UMODL1: variants seen among roughly 807,000 people sequenced by gnomAD.
UMODL1 encodes uromodulin like 1.
In UMODL1, 128 loss-of-function variants were observed where a neutral mutation model predicts 136.3. The observed-to-expected ratio is 0.94, with a 90% confidence interval of 0.81 to 1.09. The LOEUF is 1.09. Ranked by LOEUF, UMODL1 falls within the 50% of genes least tolerant of loss-of-function variation. The pLI is 0.00. For missense variants in UMODL1, 1,766 were observed against 1,725.6 expected, an observed-to-expected ratio of 1.02 and a Z score of -0.41; for synonymous variants, 721 against 720.0, an observed-to-expected ratio of 1.00 and a Z score of -0.02.
chr21:42,111,086 GACAGGAACAAC>G lies in UMODL1; in HGVS notation c.1872_1882del (p.Asn624LysfsTer23). Reference sequence around the variant, plus strand: ...AGGGGGCAGCAATGTGGTCGGGTATGACAGGAACAACACAGGAAAAGGCGTGGAGCAGGAGG... The same window carrying G: ...AGGGGGCAGCAATGTGGTCGGGTATGACAGGAAAAGGCGTGGAGCAGGAGG... On this transcript the variant is annotated frameshift_variant, in exon 11 of 23. Transcript: ENST00000408910. LOFTEE classifies it high-confidence loss of function. 1 of 1,613,050 alleles carries G rather than the reference GACAGGAACAAC, an allele frequency of 6.2e-7. No individual in the cohort carries two copies. The highest frequency in any genetic ancestry group is 1.1e-5 in the South Asian group (1 of 90,906).
intron 9 of UMODL1, among the ~76,000 whole-genome samples, chr21:42,107,460 G>A (rs754173948): frequency 5.3e-5 from 8 of 152,222 alleles, no homozygotes; most frequent in Non-Finnish European, 1.0e-4. Context: ...TGCAGAGTGA[G>A]AGAAGGGCCG....
intron 21 of UMODL1, among the ~76,000 whole-genome samples, chr21:42,136,300 A>G (rs1361035043): frequency 1.3e-5 from 2 of 152,220 alleles, no homozygotes; most frequent in Admixed American, 6.5e-5. Flanking sequence ...TATAGCCACC[A>G]ACTCCATGTA....
chr21:42,070,708 T>C (rs974279090), upstream of UMODL1, among the ~76,000 whole-genome samples: 4 of 152,260 alleles, frequency 2.6e-5, no homozygotes, highest in Admixed American at 2.6e-4. Context: ...TCCAATTATG[T>C]AATTTCCCAC....
At chr21:42,076,978 A>G (rs2066298858) in intron 2 of UMODL1, among the ~76,000 whole-genome samples, 1 of 150,106 alleles carries the variant, frequency 6.7e-6, no homozygotes, top group South Asian at 2.1e-4. Flanking sequence ...CTACTGACAC[A>G]CAGGTGATCT....
rs1459809830 is a variant in UMODL1 at position 42,102,170 on chromosome 21, C to T, written c.1191C>T (p.Ala397=). The T allele has an allele frequency of 9.3e-6, 15 of 1,610,898 alleles. No individual in the cohort carries two copies. In the East Asian group the frequency reaches 1.3e-4, roughly 14 times the overall value. Residue 397 remains alanine (A), a synonymous_variant, in exon 8 of 23, where the codon GCC becomes GCT. Coordinates refer to ENST00000408910, the MANE Select transcript of UMODL1 (RefSeq NM_001004416.3). ...VSTTLTIKTN[A]QVFEVTIKIV... ...TTGTTTCACTGTCTGTCTCAGATGC[C>T]CAGGTATTTGAAGTCACAATAAAGA...
Position 42,084,117 on chromosome 21 carries a change from C to G in UMODL1, c.353C>G (p.Pro118Arg), listed in dbSNP as rs1051945845. 2 of 1,614,028 alleles carry G rather than the reference C, an allele frequency of 1.2e-6. No homozygotes were observed. Among genetic ancestry groups the G allele is most frequent in the African/African-American group, 2.7e-5 (2 of 74,948 alleles). Residue 118 changes from proline to arginine, a missense_variant, in exon 3 of 23, where the codon CCT becomes CGT. Coordinates refer to ENST00000408910, the MANE Select transcript of UMODL1 (RefSeq NM_001004416.3). The stretch of plus-strand genomic sequence containing the variant: ...CAGTCCGGGCAGTTCACGTCAAGAC[C>G]TGGGGCCTGCCCCGCAGAGGGGCCT... ...LNQSGQFTSR[P>R]GACPAEGPEP...
chr21:42,109,141 G>A (rs1438441006), intron 9 of UMODL1, among the ~76,000 whole-genome samples: 3 of 148,558 alleles, frequency 2.0e-5, no homozygotes, highest in Non-Finnish European at 4.4e-5. Flanking sequence ...CCCCCCATGC[G>A]GAAAGTTCAC....
At chr21:42,125,982 T>C (rs1036233877) in intron 17 of UMODL1, among the ~76,000 whole-genome samples, 1 of 152,142 alleles carries the variant, frequency 6.6e-6, no homozygotes, top group African/African-American at 2.4e-5. Context: ...GTTTGGGGCA[T>C]GTTGAAAGAA....
At chr21:42,079,333 G>A (rs8132555) in intron 2 of UMODL1, among the ~76,000 whole-genome samples, 30,013 of 152,242 alleles carry the variant, frequency 0.2, 3,616 homozygotes, top group African/African-American at 0.34. Context: ...TCCAGGAAGC[G>A]CCTCTTGTTG....
rs114581835 is a variant in UMODL1 at position 42,100,422 on chromosome 21, G to A, written c.1186+1242G>A. On this transcript the variant is annotated intron_variant, in intron 7 of 22. Transcript: ENST00000408910. ...CACCCTTTTCAAACTGATTTGGGGC[G>A]GACCTCAAGCTAAGTCCTCATAGCA... Among the ~76,000 whole-genome samples the A allele has an allele frequency of 7.4e-3, 1,131 of 152,068 alleles. 12 individuals are homozygous for A. The highest frequency in any genetic ancestry group is 0.025 in the African/African-American group (1,030 of 41,414).
At chr21:42,101,783 C>G (rs774220299) in intron 7 of UMODL1, 14 of 455,956 alleles carry the variant, frequency 3.1e-5, no homozygotes, top group Non-Finnish European at 4.8e-5. Context: ...CATTGGTCAC[C>G]CTGATGTTGG....
At chr21:42,078,254 G>C (rs1265811355) in intron 2 of UMODL1, among the ~76,000 whole-genome samples, 1 of 50,456 alleles carries the variant, frequency 2.0e-5, no homozygotes, top group African/African-American at 1.3e-4. Flanking sequence ...GGCGGGGCCA[G>C]CTGACCCCAG....
chr21:42,084,284 A>T, intron 3 of UMODL1, 39 bp downstream of exon 3: 1 of 1,603,380 alleles, frequency 6.2e-7, no homozygotes, highest in Non-Finnish European at 8.5e-7. Context: ...CAGGCAGCAA[A>T]GGCGGGTCTC....
chr21:42,077,261 G>T (rs913356881), intron 2 of UMODL1, among the ~76,000 whole-genome samples: 6 of 151,912 alleles, frequency 3.9e-5, no homozygotes, highest in African/African-American at 9.7e-5. Context: ...CCACGAAGGG[G>T]ATCCTGCAGG....
At chr21:42,075,956 G>C (rs73905530) in intron 1 of UMODL1, 49 bp from the exon 2 acceptor site, 2 of 1,602,870 alleles carry the variant, frequency 1.2e-6, no homozygotes, top group Non-Finnish European at 8.5e-7. Flanking sequence ...CCGCTCGCAC[G>C]GATCTGATCC....
At chr21:42,139,833 C>G (rs1436894397) in intron 22 of UMODL1, among the ~76,000 whole-genome samples, 1 of 152,196 alleles carries the variant, frequency 6.6e-6, no homozygotes, top group Non-Finnish European at 1.5e-5. Context: ...CCCCAGAATA[C>G]TGCGCATGTT....
chr21:42,064,937 G>C (rs1162913665), intron 1 of UMODL1, among the ~76,000 whole-genome samples: 1 of 152,158 alleles, frequency 6.6e-6, no homozygotes. Flanking sequence ...GCGCATATCT[G>C]AGAATTTTAA....
rs374098194 is a variant in UMODL1, at chr21:42,115,971, C to G, written c.2461C>G (p.Leu821Val). The G allele has an allele frequency of 6.2e-6, 10 of 1,613,028 alleles. No homozygotes were observed. The African/African-American group carries it at 1.2e-4, about 19-fold the overall frequency. The stretch of plus-strand genomic sequence containing the variant: ...CCAGGAGTATCGAGATTTCCTAGAA[C>G]TATTCTTCAGGATGGTGAGTTGGTG... The part of the protein sequence containing the change: ...SSQEYRDFLE[L>V]FFRMVRGSLP... The change falls in exon 14 of 23, where the codon CTA (leucine) becomes GTA (valine). Residue 821 changes from leucine to valine, a missense_variant. By Grantham distance (32) the Leu-to-Val change is conservative (BLOSUM62 1). Transcript: ENST00000408910.
intron 15 of UMODL1, 90 bp downstream of exon 15, chr21:42,119,414 G>A (rs1303730888): frequency 2.5e-6 from 3 of 1,181,268 alleles, no homozygotes; most frequent in East Asian, 4.7e-5. Flanking sequence ...GAAAGATGTC[G>A]TGTTGTGCCC....
Sources: allele counts gnomAD v4.1 joint callset (sites outside exome capture counted in the v4.1 genomes callset), GRCh38; gene constraint gnomAD v4.1.1; transcripts MANE v1.5; gene names NCBI Gene and HGNC (gene_info 2026-07-23, HGNC 2026-07-21).